Variants in ITGB5 observed in about 807,000 individuals in gnomAD.
The protein encoded by ITGB5 is integrin subunit beta 5.
A neutral mutation model predicts 84.8 loss-of-function variants in ITGB5; 38 were observed. The observed-to-expected ratio is 0.45, with a 90% CI of 0.35 to 0.59. The LOEUF (loss-of-function observed/expected upper bound fraction) is 0.59. Among genes scored for constraint, ITGB5 ranks in the 20% least tolerant of loss-of-function variants. The pLI, the probability that ITGB5 is intolerant of heterozygous loss-of-function variation, is 0.01. For synonymous variants in ITGB5, 393 were observed against 414.4 expected (o/e 0.95, Z 0.63); for missense variants, 905 against 1,034.5 (o/e 0.87, Z 1.72).
chr3:124,804,682 T>A (rs1255478808), intron 9 of ITGB5, among the ~76,000 whole-genome samples: 2 of 152,210 alleles, frequency 1.3e-5, no homozygotes, highest in East Asian at 3.8e-4. Flanking sequence ...TTTGTTTGTT[T>A]TTGAGAAGGA....
At chr3:124,858,335 T>C (rs2065247733) in intron 3 of ITGB5, among the ~76,000 whole-genome samples, 1 of 152,158 alleles carries the variant, frequency 6.6e-6, no homozygotes, top group African/African-American at 2.4e-5. Context: ...TGCAGAATGC[T>C]ACAGACTCAA....
At chr3:124,785,219 T>G (rs960567619) in intron 10 of ITGB5, among the ~76,000 whole-genome samples, 1 of 152,180 alleles carries the variant, frequency 6.6e-6, no homozygotes, top group Non-Finnish European at 1.5e-5. Context: ...ACCAATCTCC[T>G]GGCACAGTAA....
intron 11 of ITGB5, among the ~76,000 whole-genome samples, chr3:124,772,856 T>A (rs1288461139): frequency 2.0e-5 from 3 of 152,204 alleles, no homozygotes; most frequent in African/African-American, 7.2e-5. Flanking sequence ...CAAAAGCCAT[T>A]TGCAGTGGTT....
intron 3 of ITGB5, among the ~76,000 whole-genome samples, chr3:124,854,679 C>G (rs2065199211): frequency 6.6e-6 from 1 of 152,192 alleles, no homozygotes; most frequent in South Asian, 2.1e-4. Flanking sequence ...TGGAATCAGA[C>G]AGTGGTGTTG....
rs2065007897 is a variant in ITGB5 at position 124,841,375 on chromosome 3, A to G, written c.780+8T>C. On this transcript the variant is annotated splice_region_variant and intron_variant, in intron 5 of 14. Transcript: ENST00000296181. ...CCATGCAGGGACAGGACCAGAAAGG[A>G]AAGTTACCTTGCAGACGGCTGCCTG... 2 of 1,613,020 alleles carry G rather than the reference A, an allele frequency of 1.2e-6. No homozygotes were observed. The highest frequency in any genetic ancestry group is 4.5e-5 in the East Asian group (2 of 44,876).
chr3:124,844,609 A>G (rs1025863868), intron 4 of ITGB5, among the ~76,000 whole-genome samples: 1 of 152,118 alleles, frequency 6.6e-6, no homozygotes, highest in Non-Finnish European at 1.5e-5. Flanking sequence ...GGACCCCCGC[A>G]ATGGGTCAGG....
At chr3:124,882,397 G>A (rs1386675833) in intron 1 of ITGB5, among the ~76,000 whole-genome samples, 2 of 152,232 alleles carry the variant, frequency 1.3e-5, no homozygotes, top group East Asian at 3.9e-4. Context: ...GGAGCGGCCA[G>A]GGAAAACTTG....
intron 11 of ITGB5, among the ~76,000 whole-genome samples, chr3:124,773,068 G>A (rs558616123): frequency 5.9e-5 from 9 of 152,076 alleles, no homozygotes; most frequent in South Asian, 2.1e-4. Flanking sequence ...ACCACACCCC[G>A]CTAATTTTTG....
chr3:124,864,106 T>C (rs2065348418), intron 2 of ITGB5, among the ~76,000 whole-genome samples: 4 of 96,812 alleles, frequency 4.1e-5, no homozygotes, highest in African/African-American at 1.1e-4. Flanking sequence ...CTTTTTTTTT[T>C]TTTTTTTTTT....
At chr3:124,824,120 AC>A (rs1466722257) in intron 5 of ITGB5, among the ~76,000 whole-genome samples, 1 of 152,220 alleles carries the variant, frequency 6.6e-6, no homozygotes, top group Non-Finnish European at 1.5e-5. Flanking sequence ...AGCAATGGAA[AC>A]TAGCAAAACA....
At position 124,777,716 on chromosome 3, in the gene ITGB5, G is replaced by A. The variant is rs1418534899; in HGVS notation, c.1694-3804C>T. On this transcript the variant is annotated intron_variant, in intron 10 of 14. Transcript: ENST00000296181. Reference sequence around the variant, plus strand: ...CCAAGTGGTGGGAGCTGGCACACAAGTCACAACTACTGGGCCACCTTGGTT... The same window carrying A: ...CCAAGTGGTGGGAGCTGGCACACAAATCACAACTACTGGGCCACCTTGGTT... 2.6e-5 allele frequency among the ~76,000 whole-genome samples: 4 copies of A among 152,352 alleles called. 1 individual carries two copies. The South Asian group carries it at 6.2e-4, about 24-fold the overall frequency.
chr3:124,819,708 A>C, intron 7 of ITGB5, 31 bp downstream of exon 7: 1 of 1,525,622 alleles, frequency 6.6e-7, no homozygotes, highest in Non-Finnish European at 9.1e-7. Flanking sequence ...TTCACCCCAC[A>C]AATCACTAGC....
intron 10 of ITGB5, chr3:124,787,438 T>A (rs1024677306): frequency 3.3e-5 from 5 of 152,140 alleles, no homozygotes; most frequent in Non-Finnish European, 5.9e-5. Flanking sequence ...GGTAGAAGCA[T>A]AAGATGATTC....
chr3:124,782,943 G>A (rs866499971), intron 10 of ITGB5, among the ~76,000 whole-genome samples: 4 of 151,854 alleles, frequency 2.6e-5, no homozygotes, highest in African/African-American at 9.7e-5. Context: ...TGATGACAGG[G>A]TTTTTATTTT....
At position 124,804,549 on chromosome 3, in the gene ITGB5, A is replaced by G. The variant is rs565640453; in HGVS notation, c.1263+4473T>C. Among the ~76,000 whole-genome samples the G allele has an allele frequency of 2.6e-5, 4 of 152,202 alleles. No homozygotes were observed. The East Asian group carries it at 7.7e-4, about 29-fold the overall frequency. ...GTAACAAGAGCAAGACCCTGTCTCT[A>G]AAAATAAAATAAAATAAAATAAAAT... On this transcript the variant is annotated intron_variant, in intron 9 of 14. Transcript: ENST00000296181.
intron 2 of ITGB5, among the ~76,000 whole-genome samples, chr3:124,860,485 G>A (rs2065280863): frequency 1.3e-5 from 2 of 152,108 alleles, no homozygotes; most frequent in South Asian, 4.1e-4. Flanking sequence ...TCTTTCTTTG[G>A]GTTTGGGAGA....
intron 5 of ITGB5, among the ~76,000 whole-genome samples, chr3:124,827,364 A>C (rs1235138236): frequency 6.6e-6 from 1 of 152,244 alleles, no homozygotes; most frequent in Non-Finnish European, 1.5e-5. Context: ...AGGGACTATA[A>C]AGGGAACTTG....
chr3:124,815,658 T>C (rs970240374), intron 8 of ITGB5, among the ~76,000 whole-genome samples: 1 of 152,154 alleles, frequency 6.6e-6, no homozygotes, highest in African/African-American at 2.4e-5. Flanking sequence ...CTTAGTTCAG[T>C]GTCCAGAGAT....
At chr3:124,776,350 T>G (rs1045345929) in intron 10 of ITGB5, among the ~76,000 whole-genome samples, 6 of 152,214 alleles carry the variant, frequency 3.9e-5, no homozygotes, top group Non-Finnish European at 7.3e-5. Flanking sequence ...TCCCTCACCC[T>G]CTGGCCTCAG....
Sources: allele counts gnomAD v4.1 joint callset (sites outside exome capture counted in the v4.1 genomes callset), GRCh38; gene constraint gnomAD v4.1.1; transcripts MANE v1.5; gene names NCBI Gene and HGNC (gene_info 2026-07-23, HGNC 2026-07-21).